Variants in MTHFD2 observed in about 807,000 individuals in gnomAD.
The protein encoded by MTHFD2 is methylenetetrahydrofolate dehydrogenase (NADP+ dependent) 2, methenyltetrahydrofolate cyclohydrolase, also known as bifunctional methylenetetrahydrofolate dehydrogenase/cyclohydrolase, mitochondrial.
A neutral mutation model predicts 36.8 loss-of-function variants in MTHFD2; 26 were observed. The observed-to-expected ratio is 0.71, with a 90% CI of 0.52 to 0.98. The LOEUF (loss-of-function observed/expected upper bound fraction) is 0.98, where lower values mean the gene tolerates loss of function less well. Ranked by LOEUF, MTHFD2 falls within the 50% of genes least tolerant of loss-of-function variation. MTHFD2 has a pLI of 0.00. For synonymous variants in MTHFD2, 164 were observed against 155.2 expected (o/e 1.06, Z -0.42); for missense variants, 373 against 434.0 (o/e 0.86, Z 1.25).
At chr2:74,207,566 G>T in intron 2 of MTHFD2, 138 bp from the exon 3 acceptor site, 1 of 712,046 alleles carries the variant, frequency 1.4e-6, no homozygotes, top group Non-Finnish European at 2.3e-6. Context: ...TACTTTTTTA[G>T]GTTCCTTGAG....
chr2:74,209,114 G>A (rs961255247), intron 4 of MTHFD2, among the ~76,000 whole-genome samples: 1 of 151,822 alleles, frequency 6.6e-6, no homozygotes, highest in Non-Finnish European at 1.5e-5. Context: ...CAGGTGATCC[G>A]CCCCCTCAGC....
chr2:74,201,844 T>G (rs1694048856), intron 1 of MTHFD2, among the ~76,000 whole-genome samples: 1 of 152,236 alleles, frequency 6.6e-6, no homozygotes, highest in African/African-American at 2.4e-5. Flanking sequence ...GTATTTCACA[T>G]TTTGCAGAGT....
chr2:74,213,705 T>C (rs1434858331), intron 7 of MTHFD2, among the ~76,000 whole-genome samples: 1 of 152,236 alleles, frequency 6.6e-6, no homozygotes, highest in Non-Finnish European at 1.5e-5. Context: ...AACTTCTCAC[T>C]TTTAAAAAAT....
intron 1 of MTHFD2, among the ~76,000 whole-genome samples, chr2:74,199,682 T>G (rs969270171): frequency 7.3e-6 from 1 of 136,818 alleles, no homozygotes; most frequent in Non-Finnish European, 1.5e-5. Flanking sequence ...CCCTCCAGTC[T>G]GGGCGACAGA....
chr2:74,207,617 C>G, intron 2 of MTHFD2, 87 bp from the exon 3 acceptor site: 1 of 1,303,170 alleles, frequency 7.7e-7, no homozygotes, highest in East Asian at 2.4e-5. Context: ...ATACAAAACC[C>G]GTATGGTAGC....
intron 5 of MTHFD2, 62 bp downstream of exon 5, chr2:74,210,111 C>T: frequency 7.5e-7 from 1 of 1,335,348 alleles, no homozygotes; most frequent in African/African-American, 1.5e-5. Context: ...TTTCAGAAGC[C>T]ATCCTGTGCA....
intron 7 of MTHFD2, among the ~76,000 whole-genome samples, chr2:74,213,124 G>A (rs549696954): frequency 6.6e-6 from 1 of 151,996 alleles, no homozygotes; most frequent in South Asian, 2.1e-4. Flanking sequence ...GGTTGGTCTT[G>A]AACTCCTGGC....
chr2:74,207,883 C>CCTCCCTCTCTCT, intron 3 of MTHFD2, 57 bp downstream of exon 3: 1 of 1,510,650 alleles, frequency 6.6e-7, no homozygotes, highest in Non-Finnish European at 9.0e-7. Context: ...TTTCCCTCTC[C>CCTCCCTCTCTCT]CTCCCTCTCT....
intron 1 of MTHFD2, among the ~76,000 whole-genome samples, chr2:74,201,038 A>G (rs1228447908): frequency 3.3e-5 from 5 of 152,134 alleles, no homozygotes; most frequent in African/African-American, 1.2e-4. Flanking sequence ...CCCAGGCTGG[A>G]GTGCAATGGT....
chr2:74,204,500 T>G (rs367625971), intron 1 of MTHFD2, among the ~76,000 whole-genome samples: 32 of 152,326 alleles, frequency 2.1e-4, no homozygotes, highest in African/African-American at 7.0e-4. Flanking sequence ...CTTTCTGTCT[T>G]TGTTCTGTGG....
At chr2:74,211,944 CTTTTTTTTT>C (rs71406866) in intron 7 of MTHFD2, 78 bp downstream of exon 7, 10 of 462,010 alleles carry the variant, frequency 2.2e-5, no homozygotes, top group South Asian at 6.9e-5. Flanking sequence ...AGATTATTTA[CTTTTTTTTT>C]TTTTTTTTTT....
intron 1 of MTHFD2, among the ~76,000 whole-genome samples, chr2:74,203,951 T>G (rs980163303): frequency 6.6e-6 from 1 of 151,836 alleles, no homozygotes; most frequent in Admixed American, 6.6e-5. Flanking sequence ...TCTTTCTCTG[T>G]CGCCCAGGCT....
intron 1 of MTHFD2, among the ~76,000 whole-genome samples, chr2:74,204,848 C>T (rs1035679422): frequency 1.3e-5 from 2 of 152,104 alleles, no homozygotes; most frequent in Admixed American, 6.5e-5. Flanking sequence ...ATTTTTGAGA[C>T]GGAGTCTAGC....
intron 1 of MTHFD2, among the ~76,000 whole-genome samples, chr2:74,201,962 T>C (rs891532721): frequency 6.6e-6 from 1 of 151,946 alleles, no homozygotes; most frequent in Non-Finnish European, 1.5e-5. Flanking sequence ...TCTTTTCTTT[T>C]TTTTTTTTTA....
chr2:74,202,237 T>C (rs1270814648), intron 1 of MTHFD2, among the ~76,000 whole-genome samples: 2 of 152,086 alleles, frequency 1.3e-5, no homozygotes, highest in African/African-American at 4.8e-5. Context: ...TAAGGATACA[T>C]GTGTATGTGT....
intron 2 of MTHFD2, 48 bp downstream of exon 2, chr2:74,205,937 T>C (rs1274129423): frequency 6.4e-7 from 1 of 1,558,904 alleles, no homozygotes; most frequent in Non-Finnish European, 8.8e-7. Flanking sequence ...GAGGTTTATA[T>C]GAGGCAAAGT....
At chr2:74,203,258 G>C (rs1048605030) in intron 1 of MTHFD2, among the ~76,000 whole-genome samples, 9 of 152,174 alleles carry the variant, frequency 5.9e-5, no homozygotes, top group African/African-American at 2.2e-4. Context: ...TGCCCACCTT[G>C]GCCTCCCAAA....
chr2:74,203,787 CT>C (rs1694096225), intron 1 of MTHFD2, among the ~76,000 whole-genome samples: 4 of 151,430 alleles, frequency 2.6e-5, no homozygotes, highest in African/African-American at 9.7e-5. Context: ...GGACAGAGAT[CT>C]AAAGGGAAAG....
chr2:74,207,537 G>C (rs1282268493), intron 2 of MTHFD2, among the ~76,000 whole-genome samples, 167 bp from the exon 3 acceptor site: 1 of 152,154 alleles, frequency 6.6e-6, no homozygotes, highest in Non-Finnish European at 1.5e-5. Context: ...GTATTCTCTG[G>C]TGTATATATT....
Sources: gnomAD v4.1 joint callset for allele counts (sites outside exome capture counted in the v4.1 genomes callset) on GRCh38, gnomAD v4.1.1 for gene constraint, MANE v1.5 for transcripts, NCBI Gene and HGNC (gene_info 2026-07-23, HGNC 2026-07-21) for gene names.